The following PRKCA variants were observed in gnomAD, a reference collection of about 807,000 sequenced individuals.
PRKCA encodes the protein protein kinase C alpha.
In PRKCA, 27 loss-of-function variants were observed where a neutral mutation model predicts 87.0. That is an observed-to-expected ratio of 0.31 (90% CI 0.23 to 0.43). The LOEUF is 0.43. PRKCA is among the 20% of genes least tolerant of loss of function. PRKCA has a pLI of 1.00. For missense variants in PRKCA, 518 were observed against 852.3 expected (o/e 0.61, Z 4.88); for synonymous variants, 329 against 311.1 (o/e 1.06, Z -0.61).
intron 2 of PRKCA, among the ~76,000 whole-genome samples, chr17:66,322,418 C>T (rs1201600299): frequency 6.6e-6 from 1 of 151,994 alleles, no homozygotes; most frequent in African/African-American, 2.4e-5. Flanking sequence ...CTAATGGCTA[C>T]TGTATTGGAA....
At chr17:66,659,387 C>T (rs1971829366) in intron 5 of PRKCA, among the ~76,000 whole-genome samples, 2 of 152,046 alleles carry the variant, frequency 1.3e-5, no homozygotes. Flanking sequence ...CCTCCTCCAC[C>T]AGCCATGAGG....
intron 2 of PRKCA, among the ~76,000 whole-genome samples, chr17:66,404,704 A>G (rs1598643858): frequency 7.5e-6 from 1 of 132,542 alleles, no homozygotes; most frequent in East Asian, 2.4e-4. Flanking sequence ...TCTCTGTTCC[A>G]CACACTCCCA....
At chr17:66,520,125 ATTT>A (rs35377147) in intron 3 of PRKCA, among the ~76,000 whole-genome samples, 12 of 133,920 alleles carry the variant, frequency 9.0e-5, no homozygotes, top group Admixed American at 2.2e-4. Context: ...CACACTAATA[ATTT>A]TTTTTTTTTT....
intron 3 of PRKCA, among the ~76,000 whole-genome samples, chr17:66,541,845 A>G (rs1017270736): frequency 6.6e-6 from 1 of 152,238 alleles, no homozygotes; most frequent in Admixed American, 6.5e-5. Context: ...AGGATTTTCT[A>G]TCAGTGCATG....
At chr17:66,578,582 C>T (rs1969315665) in intron 3 of PRKCA, among the ~76,000 whole-genome samples, 1 of 152,182 alleles carries the variant, frequency 6.6e-6, no homozygotes, top group South Asian at 2.1e-4. Flanking sequence ...TTTGCACAAA[C>T]CACCCCCTCC....
intron 10 of PRKCA, among the ~76,000 whole-genome samples, chr17:66,736,435 G>A (rs1417380758): frequency 1.3e-5 from 2 of 151,776 alleles, no homozygotes; most frequent in African/African-American, 4.8e-5. Flanking sequence ...CTGCCACCAC[G>A]CCCGGCTAAT....
intron 2 of PRKCA, among the ~76,000 whole-genome samples, chr17:66,320,106 T>C (rs1264404653): frequency 2.6e-5 from 4 of 152,160 alleles, no homozygotes; most frequent in Non-Finnish European, 5.9e-5. Flanking sequence ...CCTGTTGTCA[T>C]AGGGTCAGGA....
At chr17:66,649,538 A>G (rs1416727436) in intron 5 of PRKCA, among the ~76,000 whole-genome samples, 2 of 152,264 alleles carry the variant, frequency 1.3e-5, no homozygotes, top group Non-Finnish European at 2.9e-5. Context: ...GCTCCAAGTT[A>G]CAAGGTGGAA....
intron 2 of PRKCA, among the ~76,000 whole-genome samples, chr17:66,327,486 A>T (rs575228463): frequency 6.6e-6 from 1 of 152,076 alleles, no homozygotes; most frequent in East Asian, 1.9e-4. Flanking sequence ...CAGTGAGCCG[A>T]GATCGCGCCC....
chr17:66,554,580 G>C, intron 3 of PRKCA: 1 of 926,690 alleles, frequency 1.1e-6, no homozygotes, highest in Non-Finnish European at 1.3e-6. Context: ...CTCTCCGAAG[G>C]TAAGGTGGGT....
intron 14 of PRKCA, among the ~76,000 whole-genome samples, chr17:66,782,622 C>T (rs1448643839): frequency 6.6e-6 from 1 of 152,202 alleles, no homozygotes; most frequent in African/African-American, 2.4e-5. Flanking sequence ...ATCTCAGGCC[C>T]CCAGGGCTGC....
intron 3 of PRKCA, among the ~76,000 whole-genome samples, chr17:66,615,026 C>G (rs548153503): frequency 6.6e-6 from 1 of 152,146 alleles, no homozygotes; most frequent in African/African-American, 2.4e-5. Context: ...TTCTGTGTCT[C>G]TGTTGTACCA....
At chr17:66,369,003 C>T (rs1908934297) in intron 2 of PRKCA, among the ~76,000 whole-genome samples, 2 of 152,180 alleles carry the variant, frequency 1.3e-5, no homozygotes, top group Admixed American at 1.3e-4. Context: ...TCTTCTCAAG[C>T]ATCTCATTCT....
At chr17:66,535,946 G>A (rs1207400493) in intron 3 of PRKCA, among the ~76,000 whole-genome samples, 2 of 152,084 alleles carry the variant, frequency 1.3e-5, no homozygotes, top group African/African-American at 2.4e-5. Flanking sequence ...CATACTGAAT[G>A]GACAGCATTT....
chr17:66,474,698 C>T (rs1000399834), intron 2 of PRKCA, among the ~76,000 whole-genome samples: 1 of 152,130 alleles, frequency 6.6e-6, no homozygotes, highest in Non-Finnish European at 1.5e-5. Flanking sequence ...TACCGGAAGC[C>T]CATTTCCTCA....
intron 9 of PRKCA, among the ~76,000 whole-genome samples, chr17:66,734,049 C>T (rs898966704): frequency 2.6e-5 from 4 of 152,176 alleles, no homozygotes; most frequent in African/African-American, 9.7e-5. Flanking sequence ...AGTGGTTTAT[C>T]TTGTAGCTGT....
intron 2 of PRKCA, chr17:66,416,423 T>G (rs117501587): frequency 0.041 from 6,205 of 152,128 alleles, 188 homozygotes; most frequent in Admixed American, 0.073. Flanking sequence ...CAGGCAGAGG[T>G]GGCTAGGGGA....
intron 2 of PRKCA, chr17:66,364,421 C>A (rs375493936): frequency 7.9e-5 from 12 of 152,066 alleles, no homozygotes; most frequent in African/African-American, 2.9e-4. Context: ...GGCATAAAAC[C>A]AAAGGGGTTT....
chr17:66,371,889 C>T (rs1909130439), intron 2 of PRKCA, among the ~76,000 whole-genome samples: 1 of 152,174 alleles, frequency 6.6e-6, no homozygotes, highest in East Asian at 1.9e-4. Flanking sequence ...TGATGCCTGG[C>T]GTATTATAGG....
Sources: gnomAD v4.1 joint callset for allele counts (sites outside exome capture counted in the v4.1 genomes callset) on GRCh38, gnomAD v4.1.1 for gene constraint, MANE v1.5 for transcripts, NCBI Gene and HGNC (gene_info 2026-07-23, HGNC 2026-07-21) for gene names.